EPB41L4B: variants seen among roughly 807,000 people sequenced by gnomAD.
EPB41L4B encodes erythrocyte membrane protein band 4.1 like 4B.
A neutral mutation model predicts 112.5 loss-of-function variants in EPB41L4B; 30 were observed. The ratio of observed to expected loss-of-function variants is 0.27; its 90% CI spans 0.20 to 0.36. EPB41L4B has a LOEUF of 0.36. Among genes scored for constraint, EPB41L4B ranks in the 10% least tolerant of loss-of-function variants. The pLI, the probability that EPB41L4B is intolerant of heterozygous loss-of-function variation, is 1.00. For synonymous variants in EPB41L4B, 408 were observed against 439.7 expected (o/e 0.93, Z 0.90); for missense variants, 1,024 against 1,133.3 (o/e 0.90, Z 1.38).
chr9:109,279,989 A>G, intron 1 of EPB41L4B, 68 bp from the exon 2 acceptor site: 1 of 1,208,138 alleles, frequency 8.3e-7, no homozygotes, highest in Non-Finnish European at 1.2e-6. Flanking sequence ...AAAGGTTAAA[A>G]AAAACCTACT....
At chr9:109,268,609 T>C (rs1446978400) in intron 2 of EPB41L4B, among the ~76,000 whole-genome samples, 176 bp from the exon 3 acceptor site, 2 of 152,082 alleles carry the variant, frequency 1.3e-5, no homozygotes, top group Admixed American at 6.5e-5. Flanking sequence ...TATAAAAAAT[T>C]CAACGTTGGC....
At position 109,266,499 on chromosome 9, in the gene EPB41L4B, C is replaced by T. The variant is rs140384422; in HGVS notation, c.533+974G>A. Among the ~76,000 whole-genome samples, 424 of 152,284 alleles carry T rather than the reference C, an allele frequency of 2.8e-3. 3 individuals are homozygous for T. Among genetic ancestry groups the T allele is most frequent in the African/African-American group, 9.9e-3 (410 of 41,546 alleles). On this transcript the variant is annotated intron_variant, in intron 4 of 25. Coordinates refer to ENST00000374566, the MANE Select transcript of EPB41L4B (RefSeq NM_019114.5). Reference sequence around the variant, plus strand: ...TATATGTCACCACTGCAGTCCATCACACAAACAACGACAAGGAGGCTCTGG... The same window carrying T: ...TATATGTCACCACTGCAGTCCATCATACAAACAACGACAAGGAGGCTCTGG...
intron 23 of EPB41L4B, among the ~76,000 whole-genome samples, chr9:109,183,707 T>A (rs1230442530): frequency 6.6e-6 from 1 of 152,134 alleles, no homozygotes; most frequent in African/African-American, 2.4e-5. Context: ...GGTGAATGCA[T>A]ACCATACCAC....
intron 14 of EPB41L4B, among the ~76,000 whole-genome samples, chr9:109,244,228 A>C (rs529918798): frequency 2.9e-4 from 44 of 152,178 alleles, no homozygotes; most frequent in African/African-American, 1.0e-3. Flanking sequence ...AATCTTCTAA[A>C]ATGCAATCCA....
At position 109,176,665 on chromosome 9, in the gene EPB41L4B, C is replaced by A. The variant is rs996464999; in HGVS notation, c.2519G>T (p.Cys840Phe). 3.2e-5 allele frequency: 51 copies of A among 1,613,700 alleles called. No homozygotes were observed. Among genetic ancestry groups the A allele is most frequent in the Non-Finnish European group, 4.2e-5 (49 of 1,179,924 alleles). Residue 840 changes from cysteine (C) to phenylalanine (F), a missense_variant, in exon 25 of 26, where the codon TGT becomes TTT. Cys to Phe is a radical substitution (Grantham distance 205). Transcript: ENST00000374566. ...ADFRDSKLQC[C>F]PGPTSPLIPA... is the part of the protein sequence containing the mutation. ...GATCAGCGGGGAAGTCGGGCCAGGA[C>A]AGCACTGTAATTTACTGTCTCTGAA...
rs1471282679 is a variant in EPB41L4B, at chr9:109,320,291, G to C, written c.156C>G (p.Ala52=). Residue 52 remains alanine, a synonymous_variant, in exon 1 of 26, where the codon GCC becomes GCG. Transcript: ENST00000374566. ...CCGGGAACACGCTGCCCCCGGGCGC[G>C]GCGGGCAGCGCCGAGGAGGAGGCGG... is the stretch of plus-strand genomic sequence containing the variant. The part of the protein sequence containing the change: ...AAAASSSALP[A]APGGSVFPAG... The C allele has an allele frequency of 9.1e-7, 1 of 1,096,576 alleles. No homozygotes were observed. Among genetic ancestry groups the C allele is most frequent in the Non-Finnish European group, 1.1e-6 (1 of 900,620 alleles). The allele number at this position is 1,096,576 out of a possible 1,614,324, so 67.9% of individuals were successfully genotyped here.
At chr9:109,240,005 C>T in intron 15 of EPB41L4B, 1 of 985,376 alleles carries the variant, frequency 1.0e-6, no homozygotes, top group East Asian at 1.1e-4. Flanking sequence ...CAAGAGCAGC[C>T]TCATTCTAGG....
intron 15 of EPB41L4B, chr9:109,241,949 A>C: frequency 2.5e-6 from 2 of 786,766 alleles, no homozygotes; most frequent in Non-Finnish European, 4.1e-6. Context: ...AATGGAAATG[A>C]ATGGATTTCC....
At position 109,172,056 on chromosome 9, in the gene EPB41L4B, T is replaced by C. The variant is rs1385902986; in HGVS notation, c.*2498A>G. ...GTTTCAAATACAGTAACAGCCAACT[T>C]GTTTGTGGTCAGACTTCCAGTGACG... On this transcript the variant is annotated 3_prime_UTR_variant, in exon 26 of 26. Transcript: ENST00000374566. The C allele has an allele frequency of 1.3e-5, 2 of 152,126 alleles. No homozygotes were observed. The highest frequency in any genetic ancestry group is 4.8e-5 in the African/African-American group (2 of 41,414). The allele number at this position is 152,126 out of a possible 1,614,324, so 9.4% of individuals were successfully genotyped here. A position where few individuals can be genotyped will look rare whatever the true frequency, so the allele number is the denominator to read the frequency against.
At position 109,268,423 on chromosome 9, in the gene EPB41L4B, T is replaced by A. The variant is rs1835484685; in HGVS notation, c.422A>T (p.Asp141Val). 1 of 1,610,148 alleles carries A rather than the reference T, an allele frequency of 6.2e-7. No homozygotes were observed. The highest frequency in any genetic ancestry group is 8.5e-7 in the Non-Finnish European group (1 of 1,179,240). The change falls in exon 3 of 26, where the codon GAT becomes GTT. Residue 141 changes from aspartate (D) to valine (V), a missense_variant. By Grantham distance (152) the Asp-to-Val change is radical. Transcript: ENST00000374566. The stretch of plus-strand genomic sequence containing the variant: ...CTGCTTTTTTATGGGTTTGGCATGA[T>A]CCAGCCAGTGCTGAAAGAAAGAAAA... ...LDSAQVAHWL[D>V]HAKPIKKQMK... is the part of the protein sequence containing the mutation.
intron 16 of EPB41L4B, among the ~76,000 whole-genome samples, chr9:109,214,951 T>G (rs911797726): frequency 6.6e-6 from 1 of 152,134 alleles, no homozygotes; most frequent in Admixed American, 6.5e-5. Context: ...TATTTAGATA[T>G]ACAAAGATGA....
chr9:109,304,199 T>C (rs1285820540), intron 1 of EPB41L4B, among the ~76,000 whole-genome samples: 1 of 152,232 alleles, frequency 6.6e-6, no homozygotes, highest in Non-Finnish European at 1.5e-5. Context: ...GTCTGGCACA[T>C]AGTAAGCACT....
intron 1 of EPB41L4B, chr9:109,300,685 C>T (rs1836927706): frequency 1.3e-5 from 2 of 152,104 alleles, no homozygotes; most frequent in African/African-American, 4.8e-5. Context: ...ACTCCGGAGG[C>T]TGAGGTAGGA....
chr9:109,221,024 C>T (rs1833555205), intron 15 of EPB41L4B, among the ~76,000 whole-genome samples: 1 of 152,192 alleles, frequency 6.6e-6, no homozygotes, highest in Non-Finnish European at 1.5e-5. Flanking sequence ...ATTCCCTCAG[C>T]TGTAACGTGA....
chr9:109,200,178 T>C (rs1410902118), intron 20 of EPB41L4B, 58 bp downstream of exon 20: 2 of 1,428,162 alleles, frequency 1.4e-6, no homozygotes, highest in East Asian at 4.6e-5. Context: ...AGCATTTGTA[T>C]CTAAACAATT....
intron 2 of EPB41L4B, among the ~76,000 whole-genome samples, chr9:109,271,083 G>A (rs1304440766): frequency 6.6e-6 from 1 of 152,326 alleles, no homozygotes; most frequent in African/African-American, 2.4e-5. Context: ...GCAATTTCAG[G>A]TTTTACAGGC....
In EPB41L4B at chr9:109,320,634, G is replaced by A. The variant is rs758804766; in HGVS notation, c.-188C>T. 1.9e-5 allele frequency: 3 copies of A among 157,566 alleles called. No individual in the cohort carries two copies. The highest frequency in any genetic ancestry group is 3.9e-5 in the Non-Finnish European group (3 of 76,946). The allele number at this position is 157,566 out of a possible 1,614,324, so 9.8% of individuals were successfully genotyped here. A position where few individuals can be genotyped will look rare whatever the true frequency, so the allele number is the denominator to read the frequency against. ...AGGCCGCGCTCTAGCCGCCTGCGGG[G>A]CGCGCCGGCCCGGCCAGCGCCGGCT... On this transcript the variant is annotated 5_prime_UTR_variant, in exon 1 of 26. Coordinates refer to ENST00000374566, the MANE Select transcript of EPB41L4B (RefSeq NM_019114.5).
intron 15 of EPB41L4B, chr9:109,241,604 C>A: frequency 1.2e-6 from 2 of 1,606,088 alleles, no homozygotes; most frequent in Non-Finnish European, 1.7e-6. Context: ...GGCCAAGACA[C>A]TTTTCATGGA....
rs963232943 is a variant in EPB41L4B, at chr9:109,272,962, C to A, written c.412-4529G>T. 2.0e-5 allele frequency among the ~76,000 whole-genome samples: 3 copies of A among 152,108 alleles called. No individual in the cohort carries two copies. The East Asian group carries it at 5.8e-4, about 29-fold the overall frequency. On this transcript the variant is annotated intron_variant, in intron 2 of 25. Coordinates refer to ENST00000374566, the MANE Select transcript of EPB41L4B (RefSeq NM_019114.5). ...GAATTCAAACTCACACCCCTGTCAG[C>A]GTCAGCATCCAGTACTCTAGGTTTC... is the stretch of plus-strand genomic sequence containing the variant.
Sources: gnomAD v4.1 joint callset for allele counts (sites outside exome capture counted in the v4.1 genomes callset) on GRCh38, gnomAD v4.1.1 for gene constraint, MANE v1.5 for transcripts, NCBI Gene and HGNC (gene_info 2026-07-23, HGNC 2026-07-21) for gene names.